ANKRD44: variants seen among roughly 807,000 people sequenced by gnomAD.
ANKRD44 encodes the protein ankyrin repeat domain 44.
In ANKRD44, 35 loss-of-function variants were observed where a neutral mutation model predicts 116.0. The observed-to-expected ratio is 0.30, with a 90% CI of 0.23 to 0.40. The LOEUF (loss-of-function observed/expected upper bound fraction) is 0.40, where lower values mean the gene tolerates loss of function less well. ANKRD44 is among the 10% of genes least tolerant of loss of function. The probability of loss-of-function intolerance (pLI) is 1.00; values close to 1 mark genes in which losing one functional copy is unlikely to be tolerated. For synonymous variants in ANKRD44, 435 were observed against 461.8 expected (o/e 0.94, Z 0.74); for missense variants, 1,014 against 1,242.6 (o/e 0.82, Z 2.77).
At chr2:197,225,422 C>T (rs879313116) in intron 1 of ANKRD44, among the ~76,000 whole-genome samples, 1 of 152,176 alleles carries the variant, frequency 6.6e-6, no homozygotes, top group African/African-American at 2.4e-5. Context: ...CAGCTTACTG[C>T]AACCTCCACC....
At chr2:197,248,327 TC>T (rs1054118193) in intron 1 of ANKRD44, among the ~76,000 whole-genome samples, 4 of 151,992 alleles carry the variant, frequency 2.6e-5, no homozygotes, top group African/African-American at 9.7e-5. Context: ...GACGGACTTC[TC>T]CAGCAGACTG....
chr2:196,993,784 G>C, intron 26 of ANKRD44, 110 bp from the exon 27 acceptor site: 1 of 793,166 alleles, frequency 1.3e-6, no homozygotes, highest in Non-Finnish European at 2.0e-6. Context: ...TCTACAAATA[G>C]TACATGGATG....
intron 1 of ANKRD44, chr2:197,251,142 T>A (rs2082308216): frequency 3.3e-5 from 5 of 152,254 alleles, no homozygotes. Flanking sequence ...GATAGGTCTT[T>A]TATGTATTTT....
At chr2:197,122,819 T>C (rs2078887896) in intron 6 of ANKRD44, 27 bp from the exon 7 acceptor site, 12 of 1,609,942 alleles carry the variant, frequency 7.5e-6, no homozygotes, top group Non-Finnish European at 1.0e-5. Flanking sequence ...GCAGAAAACA[T>C]CGTTAACCTT....
chr2:197,156,124 A>T (rs969516172), intron 2 of ANKRD44, among the ~76,000 whole-genome samples: 3 of 152,326 alleles, frequency 2.0e-5, no homozygotes, highest in Admixed American at 1.3e-4. Context: ...AGGCGGGCGG[A>T]TCACGAGGTC....
At chr2:197,266,961 A>G (rs2697274) in intron 1 of ANKRD44, among the ~76,000 whole-genome samples, 27,008 of 152,050 alleles carry the variant, frequency 0.18, 2,526 homozygotes, top group Middle Eastern at 0.28. Context: ...CCAGTCTTCT[A>G]GATTAATATC....
At chr2:197,125,493 C>T (rs769197418) in intron 5 of ANKRD44, 25 bp from the exon 6 acceptor site, 8 of 1,600,632 alleles carry the variant, frequency 5.0e-6, no homozygotes, top group South Asian at 1.1e-5. Flanking sequence ...ACAATGAAAT[C>T]AAGCATACAT....
At chr2:197,052,537 A>C (rs1461999102) in intron 16 of ANKRD44, among the ~76,000 whole-genome samples, 3 of 152,124 alleles carry the variant, frequency 2.0e-5, no homozygotes, top group Non-Finnish European at 4.4e-5. Context: ...AAATTAGGCA[A>C]TGTTCCAAGT....
chr2:197,131,942 AAC>A (rs1313815394), intron 4 of ANKRD44, among the ~76,000 whole-genome samples: 3 of 152,264 alleles, frequency 2.0e-5, no homozygotes, highest in African/African-American at 7.2e-5. Context: ...GAACAAGCTG[AAC>A]ACAGGAAATA....
chr2:196,991,920 C>T (rs1439556342), intron 27 of ANKRD44, among the ~76,000 whole-genome samples: 1 of 152,132 alleles, frequency 6.6e-6, no homozygotes, highest in African/African-American at 2.4e-5. Context: ...TGGCCACTCA[C>T]CAATCAAAGT....
At chr2:196,991,765 T>A (rs1467160794) in intron 27 of ANKRD44, among the ~76,000 whole-genome samples, 1 of 4,654 alleles carries the variant, frequency 2.1e-4, no homozygotes, top group South Asian at 0.038. Flanking sequence ...TTTTTTTGGT[T>A]TTTTTTTTTT....
intron 10 of ANKRD44, among the ~76,000 whole-genome samples, chr2:197,099,018 G>A (rs528733500): frequency 5.9e-5 from 9 of 152,032 alleles, no homozygotes; most frequent in Admixed American, 4.6e-4. Flanking sequence ...TTTTGTTCCC[G>A]CTTTCCTCCC....
chr2:197,133,466 A>G (rs2079137953), intron 4 of ANKRD44, among the ~76,000 whole-genome samples: 1 of 152,198 alleles, frequency 6.6e-6, no homozygotes, highest in South Asian at 2.1e-4. Context: ...TGTATCTCTC[A>G]TGGTGGTTCT....
intron 1 of ANKRD44, among the ~76,000 whole-genome samples, chr2:197,276,038 G>A (rs186249996): frequency 1.3e-5 from 2 of 152,098 alleles, no homozygotes; most frequent in Non-Finnish European, 2.9e-5. Context: ...CACTTTGGGA[G>A]GCCAAGGTGG....
chr2:197,062,344 G>A (rs1261597437), intron 16 of ANKRD44, among the ~76,000 whole-genome samples: 1 of 152,192 alleles, frequency 6.6e-6, no homozygotes, highest in Non-Finnish European at 1.5e-5. Flanking sequence ...ATGGCACTGG[G>A]TATTGAATAA....
intron 16 of ANKRD44, among the ~76,000 whole-genome samples, chr2:197,075,536 C>A (rs151183012): frequency 2.0e-5 from 3 of 152,184 alleles, no homozygotes; most frequent in Admixed American, 6.5e-5. Context: ...ATAGTACGAA[C>A]GTCTTTGATC....
At chr2:197,248,641 AGCTCCTATTG>A (rs2082250559) in intron 1 of ANKRD44, among the ~76,000 whole-genome samples, 1 of 151,304 alleles carries the variant, frequency 6.6e-6, no homozygotes, top group African/African-American at 2.4e-5. Flanking sequence ...ACATAGATAT[AGCTCCTATTG>A]GTTCTGTATC....
intron 16 of ANKRD44, among the ~76,000 whole-genome samples, chr2:197,066,687 A>T (rs966662962): frequency 3.3e-5 from 5 of 151,862 alleles, no homozygotes. Context: ...ACTCCCATTC[A>T]CAATTGGAGA....
chr2:197,161,436 C>G (rs144313051), intron 2 of ANKRD44, among the ~76,000 whole-genome samples: 3 of 152,132 alleles, frequency 2.0e-5, no homozygotes, highest in Non-Finnish European at 2.9e-5. Flanking sequence ...TCAGGACTAA[C>G]TAGTATTTTT....
Sources: allele counts gnomAD v4.1 joint callset (sites outside exome capture counted in the v4.1 genomes callset), GRCh38; gene constraint gnomAD v4.1.1; transcripts MANE v1.5; gene names NCBI Gene and HGNC (gene_info 2026-07-23, HGNC 2026-07-21).